Variants in IQSEC1 observed in about 807,000 individuals in gnomAD.
IQSEC1 encodes the protein IQ motif and Sec7 domain ArfGEF 1.
IQSEC1 carries 31 observed loss-of-function variants against 91.0 expected under a neutral mutation model. The observed-to-expected ratio is 0.34, with a 90% confidence interval of 0.26 to 0.46. IQSEC1 has a LOEUF of 0.46. Ranked by LOEUF, IQSEC1 falls within the 20% of genes least tolerant of loss-of-function variation. The probability of loss-of-function intolerance (pLI) is 1.00; values close to 1 mark genes in which losing one functional copy is unlikely to be tolerated. For synonymous variants in IQSEC1, 699 were observed against 662.6 expected, an observed-to-expected ratio of 1.05 and a Z score of -0.84; for missense variants, 1,388 against 1,575.6, an observed-to-expected ratio of 0.88 and a Z score of 2.02.
At chr3:13,113,218 T>C (rs1430798421) in intron 2 of IQSEC1, among the ~76,000 whole-genome samples, 2 of 152,186 alleles carry the variant, frequency 1.3e-5, no homozygotes, top group Non-Finnish European at 1.5e-5. Context: ...GCTGCCCCTT[T>C]GCCTTGGTCT....
chr3:13,025,208 G>T (rs117520671), intron 1 of IQSEC1, among the ~76,000 whole-genome samples: 2 of 152,364 alleles, frequency 1.3e-5, no homozygotes, highest in East Asian at 3.9e-4. Flanking sequence ...GCAGGTCTGC[G>T]TGGAAGCCTT....
In IQSEC1 at chr3:12,950,633, T is replaced by G. The variant is rs1053625612; in HGVS notation, c.24-8768A>C. Among the ~76,000 whole-genome samples the G allele has an allele frequency of 3.4e-5, 5 of 146,890 alleles. No individual in the cohort carries two copies. In the Admixed American group the frequency reaches 3.5e-4, roughly 10 times the overall value. ...ACCAGCCTGGATAACATAATGAGAC[T>G]CCATCTCTACAAATTTTTTTTTTTT... On this transcript the variant is annotated intron_variant, in intron 1 of 13. Transcript: ENST00000613206.
At position 12,979,039 on chromosome 3, in the gene IQSEC1, A is replaced by G. The variant is rs985039528; in HGVS notation, c.24-37174T>C. The stretch of plus-strand genomic sequence containing the variant: ...TGGGTGCGCTGTGGGGCATGAGGCC[A>G]GTGGACCGAGCAGGAGCTTCATCCT... On this transcript the variant is annotated intron_variant, in intron 1 of 13. Coordinates refer to ENST00000613206, the MANE Select transcript of IQSEC1 (RefSeq NM_001134382.3). The surrounding 1 kb of genome is among the most constrained non-coding windows in gnomAD (Gnocchi z 4.3). Among the ~76,000 whole-genome samples the G allele has an allele frequency of 2.0e-5, 3 of 152,244 alleles. No homozygotes were observed. The highest frequency in any genetic ancestry group is 2.0e-4 in the Admixed American group (3 of 15,284).
chr3:13,067,220 T>A (rs571052910), intron 1 of IQSEC1, among the ~76,000 whole-genome samples: 9 of 152,144 alleles, frequency 5.9e-5, no homozygotes, highest in Non-Finnish European at 1.2e-4. Context: ...AGAGTGAGAT[T>A]TGAGAGAACA....
In IQSEC1 at chr3:13,259,302, G is replaced by A. The variant is rs1164016686; in HGVS notation, c.272+23409C>T. Among the ~76,000 whole-genome samples, 1 of 152,184 alleles carries A rather than the reference G, an allele frequency of 6.6e-6. No homozygotes were observed. The highest frequency in any genetic ancestry group is 1.5e-5 in the Non-Finnish European group (1 of 68,034). ...TGAATGAAGAAGCCCACAATGCACT[G>A]CACAGATGTTATCATCTGTATTCTC... On this transcript the variant is annotated intron_variant, in intron 1 of 15. Transcript: ENST00000648114. This position sits in a 1 kb window ranked among gnomAD's most constrained non-coding sequence, Gnocchi z 4.6.
chr3:13,103,853 A>C lies in IQSEC1; in HGVS notation c.303-56331T>G, dbSNP rs1017826433. ...AGCGTGCGGCACATAGTAGGTGCTC[A>C]GTAAGTCACTAAATGAGCAGCAATA... is the stretch of plus-strand genomic sequence containing the variant. On this transcript the variant is annotated intron_variant, in intron 2 of 15. Coordinates refer to the IQSEC1 transcript ENST00000648114. The surrounding 1 kb of genome is among the most constrained non-coding windows in gnomAD (Gnocchi z 4.1). 3.3e-5 allele frequency among the ~76,000 whole-genome samples: 5 copies of C among 152,254 alleles called. No homozygotes were observed. Among genetic ancestry groups the C allele is most frequent in the African/African-American group, 1.2e-4 (5 of 41,470 alleles).
At chr3:12,934,892 C>CT (rs1452767161) in intron 3 of IQSEC1, among the ~76,000 whole-genome samples, 3 of 152,058 alleles carry the variant, frequency 2.0e-5, no homozygotes, top group Non-Finnish European at 4.4e-5. Flanking sequence ...CTGCATCTGT[C>CT]TGAGTTCCTT....
chr3:13,115,088 G>T (rs1327934674), intron 2 of IQSEC1, among the ~76,000 whole-genome samples: 1 of 152,206 alleles, frequency 6.6e-6, no homozygotes, highest in Non-Finnish European at 1.5e-5. Context: ...GTAGAGCCAT[G>T]GAATGTGGAT....
chr3:12,963,996 C>T (rs149010703), intron 1 of IQSEC1, among the ~76,000 whole-genome samples: 3 of 152,220 alleles, frequency 2.0e-5, no homozygotes, highest in Admixed American at 6.5e-5. Context: ...TGAGGCCAGG[C>T]GCTATGCTAG....
chr3:13,076,698 T>C (rs1053621598), upstream of IQSEC1, among the ~76,000 whole-genome samples: 5 of 152,214 alleles, frequency 3.3e-5, no homozygotes, highest in African/African-American at 1.2e-4. Context: ...GTCAACACTC[T>C]GACTCTAAAT....
chr3:13,281,454 G>A (rs1297368849), intron 1 of IQSEC1, among the ~76,000 whole-genome samples: 1 of 117,950 alleles, frequency 8.5e-6, no homozygotes, highest in Non-Finnish European at 2.0e-5. Context: ...CGCCTGCCAC[G>A]CACAGAGCCA....
At chr3:13,144,070 C>T (rs1370221819) in intron 2 of IQSEC1, among the ~76,000 whole-genome samples, 3 of 152,158 alleles carry the variant, frequency 2.0e-5, no homozygotes, top group African/African-American at 7.2e-5. Flanking sequence ...CCAAACAAGG[C>T]TTTAATCTTG....
intron 3 of IQSEC1, among the ~76,000 whole-genome samples, chr3:12,933,435 T>C (rs186113721): frequency 2.3e-3 from 348 of 152,076 alleles, no homozygotes; most frequent in Non-Finnish European, 4.1e-3. Flanking sequence ...CATAAGACAA[T>C]GTCACAGTCC....
intron 2 of IQSEC1, among the ~76,000 whole-genome samples, chr3:13,095,741 A>C (rs904895936): frequency 1.3e-5 from 2 of 152,128 alleles, no homozygotes; most frequent in African/African-American, 2.4e-5. Context: ...GGCAATTTGC[A>C]GAGGGCTCCA....
intron 2 of IQSEC1, among the ~76,000 whole-genome samples, chr3:13,088,508 T>G (rs1705779342): frequency 6.6e-6 from 1 of 151,906 alleles, no homozygotes; most frequent in African/African-American, 2.4e-5. Context: ...CCCTGGTTCC[T>G]GTCGCCCTCC....
chr3:12,966,006 C>T (rs538933912), intron 1 of IQSEC1, among the ~76,000 whole-genome samples: 3 of 152,324 alleles, frequency 2.0e-5, no homozygotes, highest in African/African-American at 4.8e-5. Flanking sequence ...TGCTCAGCCT[C>T]GATTTGCTCT....
At chr3:13,000,924 G>A (rs887686341) in intron 1 of IQSEC1, among the ~76,000 whole-genome samples, 1 of 151,208 alleles carries the variant, frequency 6.6e-6, no homozygotes, top group African/African-American at 2.4e-5. Context: ...GCTCAGGAAT[G>A]GGGAGTGACT....
intron 1 of IQSEC1, among the ~76,000 whole-genome samples, chr3:13,064,175 A>T (rs534818088): frequency 6.6e-6 from 1 of 152,280 alleles, no homozygotes; most frequent in Non-Finnish European, 1.5e-5. Context: ...TGCATACATG[A>T]TACGCCTGCA....
At chr3:13,090,116 G>A (rs1705812794) in intron 2 of IQSEC1, among the ~76,000 whole-genome samples, 1 of 152,054 alleles carries the variant, frequency 6.6e-6, no homozygotes, top group Non-Finnish European at 1.5e-5. Flanking sequence ...TACTCGGGAG[G>A]CTGAGGCAGG....
Sources: allele counts gnomAD v4.1 joint callset (sites outside exome capture counted in the v4.1 genomes callset), GRCh38; gene constraint gnomAD v4.1.1; non-coding constraint Gnocchi (gnomAD v3.1); transcripts MANE v1.5; gene names NCBI Gene and HGNC (gene_info 2026-07-23, HGNC 2026-07-21).